Variants in SNUPN observed in about 807,000 individuals in gnomAD.
SNUPN encodes snurportin 1.
SNUPN carries 31 observed loss-of-function variants against 39.2 expected under a neutral mutation model. The observed-to-expected ratio is 0.79, with a 90% CI of 0.59 to 1.07. The LOEUF (loss-of-function observed/expected upper bound fraction) is 1.07. Ranked by LOEUF, SNUPN falls within the 50% of genes least tolerant of loss-of-function variation. SNUPN has a pLI of 0.00. For missense variants in SNUPN, 382 were observed against 434.2 expected, an observed-to-expected ratio of 0.88 and a Z score of 1.07; for synonymous variants, 132 against 159.0, an observed-to-expected ratio of 0.83 and a Z score of 1.28.
chr15:75,620,932 C>G lies in SNUPN; in HGVS notation c.120G>C (p.Gln40His). Residue 40 changes from glutamine (Q) to histidine (H), a missense_variant, in exon 2 of 9, where the codon CAG becomes CAC. Physicochemically the swap from Gln to His is conservative, Grantham distance 24 (BLOSUM62 0). Transcript: ENST00000308588. ...CCAGTAACCTCCGGCGGCGCTCACT[C>G]TGCTCCAAGGAACTGTACTTGGACT... ...QYKSKYSSLE[Q>H]SERRRRLLEL... is the part of the protein sequence containing the mutation. 1 of 1,614,004 alleles carries G rather than the reference C, an allele frequency of 6.2e-7. No individual in the cohort carries two copies. Among genetic ancestry groups the G allele is most frequent in the Non-Finnish European group, 8.5e-7 (1 of 1,179,992 alleles).
intron 1 of SNUPN, among the ~76,000 whole-genome samples, chr15:75,621,265 T>TTC (rs1893062997): frequency 6.7e-6 from 1 of 149,692 alleles, no homozygotes; most frequent in Non-Finnish European, 1.5e-5. Flanking sequence ...ATATTTCCTT[T>TTC]TTTTTTTTTT....
chr15:75,620,973 G>T lies in SNUPN; in HGVS notation c.79C>A (p.Arg27Ser), dbSNP rs145301521. The T allele has an allele frequency of 6.2e-7, 1 of 1,613,888 alleles. No homozygotes were observed. The highest frequency in any genetic ancestry group is 1.7e-5 in the Admixed American group (1 of 59,998). The change falls in exon 2 of 9, where the codon CGC (arginine) becomes AGC (serine). Residue 27 changes from arginine to serine, a missense_variant. Physicochemically the swap from Arg to Ser is moderately radical, Grantham distance 110 (BLOSUM62 -1). Transcript: ENST00000308588. ...TACTTGGACTTGTACTGGGATAGGC[G>T]GGGGTGTGGGGCAGCTGTGCTGTTC... ...DLNSTAAPHP[R>S]LSQYKSKYSS...
At chr15:75,613,642 C>CAAAAAAAAAAAAAAAAAAA (rs58623437) in intron 3 of SNUPN, among the ~76,000 whole-genome samples, 1 of 128,560 alleles carries the variant, frequency 7.8e-6, no homozygotes, top group African/African-American at 3.0e-5. Flanking sequence ...GACTCCAACT[C>CAAAAAAAAAAAAAAAAAAA]AAAAAAAAAA....
chr15:75,609,315 G>A (rs938761601), intron 5 of SNUPN, among the ~76,000 whole-genome samples: 128 of 144,558 alleles, frequency 8.9e-4, no homozygotes, highest in Middle Eastern at 3.6e-3. Flanking sequence ...TCAGCCTCCC[G>A]AGTAGCTGGG....
rs1380016038 is a variant in SNUPN at position 75,598,658 on chromosome 15, G to A, written c.783C>T (p.His261=). Residue 261 remains histidine (H), a synonymous_variant, in exon 9 of 9, where the codon CAC becomes CAT. Transcript: ENST00000308588. The stretch of plus-strand genomic sequence containing the variant: ...TTCCGGGGCTGTAGTGGGTCTGTTT[G>A]TGGTAGAAGAGAAGTCCATCTACCT... ...PFEVDGLLFY[H]KQTHYSPGST... 1 of 1,604,668 alleles carries A rather than the reference G, an allele frequency of 6.2e-7. No homozygotes were observed. Among genetic ancestry groups the A allele is most frequent in the Non-Finnish European group, 8.5e-7 (1 of 1,172,284 alleles).
At chr15:75,613,699 G>A (rs1173676904) in intron 3 of SNUPN, among the ~76,000 whole-genome samples, 1 of 151,538 alleles carries the variant, frequency 6.6e-6, no homozygotes, top group African/African-American at 2.4e-5. Context: ...AGTCACTAGG[G>A]AAATAGGGAA....
chr15:75,598,412 C>T lies in SNUPN; in HGVS notation c.1029G>A (p.Lys343=), dbSNP rs2075258507. Residue 343 remains lysine, a synonymous_variant, in exon 9 of 9, where the codon AAG becomes AAA. Coordinates refer to ENST00000308588, the MANE Select transcript of SNUPN (RefSeq NM_005701.4). ...CTGGGCTATGGGAAGAACCCTTCAACTTGGGAGTAGACAGGTGCTCCAATT... is the reference window on the plus strand; with the variant it reads ...CTGGGCTATGGGAAGAACCCTTCAATTTGGGAGTAGACAGGTGCTCCAATT... The part of the protein sequence containing the change: ...HYELEHLSTP[K]LKGSSHSPDH... The T allele has an allele frequency of 3.1e-6, 5 of 1,614,114 alleles. No individual in the cohort carries two copies. Among genetic ancestry groups the T allele is most frequent in the African/African-American group, 2.7e-5 (2 of 74,936 alleles).
chr15:75,604,484 A>G, intron 7 of SNUPN, among the ~76,000 whole-genome samples: 1 of 152,146 alleles, frequency 6.6e-6, no homozygotes, highest in Admixed American at 6.5e-5. Flanking sequence ...ATTTTTTGTG[A>G]GCAATCCAAG....
intron 1 of SNUPN, chr15:75,622,433 C>T: frequency 1.0e-6 from 1 of 985,288 alleles, no homozygotes; most frequent in Middle Eastern, 5.2e-4. Context: ...ATTAGGGAAA[C>T]AAGACAGGCA....
rs1595979658 is a variant in SNUPN at position 75,598,238 on chromosome 15, TGGAC to T, written c.*116_*119del. On this transcript the variant is annotated 3_prime_UTR_variant, in exon 9 of 9. Coordinates refer to ENST00000308588, the MANE Select transcript of SNUPN (RefSeq NM_005701.4). ...AGATTATAGATAAGCTGTTTCCAGC[TGGAC>T]TGGGTTTGGAAAGTTCACTCTAAAG... 1.1e-5 allele frequency: 8 copies of T among 738,298 alleles called. No individual in the cohort carries two copies. The East Asian group carries it at 2.1e-4, about 20-fold the overall frequency. 45.7% of individuals were successfully genotyped at this position (738,298 alleles called of 1,614,324 possible).
chr15:75,606,737 T>A (rs1415676816), intron 6 of SNUPN, among the ~76,000 whole-genome samples: 2 of 152,164 alleles, frequency 1.3e-5, no homozygotes, highest in Non-Finnish European at 2.9e-5. Flanking sequence ...TTCTGGGTCA[T>A]ACCAAGGAGG....
At chr15:75,609,770 G>A in intron 4 of SNUPN, 119 bp from the exon 5 acceptor site, 1 of 1,140,034 alleles carries the variant, frequency 8.8e-7, no homozygotes, top group Non-Finnish European at 1.3e-6. Context: ...CTTCCTGCAG[G>A]AAAGTGTTTC....
chr15:75,598,356 C>A lies in SNUPN; in HGVS notation c.*2G>T. On this transcript the variant is annotated 3_prime_UTR_variant, in exon 9 of 9. Transcript: ENST00000308588. ...TGTGGCTCCTTAAGGAGGCTTCTCT[C>A]TTTAATTCTCCATGAGGCATCCAGG... The A allele has an allele frequency of 6.2e-7, 1 of 1,611,228 alleles. No individual in the cohort carries two copies. Among genetic ancestry groups the A allele is most frequent in the South Asian group, 1.1e-5 (1 of 90,854 alleles).
rs141340187 is a variant in SNUPN, at chr15:75,623,868, T to C, written c.-6+1798A>G. Among the ~76,000 whole-genome samples the C allele has an allele frequency of 7.5e-3, 1,139 of 152,164 alleles. 12 individuals are homozygous for C. The highest frequency in any genetic ancestry group is 0.026 in the African/African-American group (1,089 of 41,514). On this transcript the variant is annotated intron_variant, in intron 1 of 8. Coordinates refer to ENST00000308588, the MANE Select transcript of SNUPN (RefSeq NM_005701.4). ...TTCAAATCATCCATAATGGTATGTATGCTATTGTCTCTACTTTTCTGTACT... is the reference window on the plus strand; with the variant it reads ...TTCAAATCATCCATAATGGTATGTACGCTATTGTCTCTACTTTTCTGTACT...
chr15:75,612,897 A>G (rs1241622873), intron 3 of SNUPN, among the ~76,000 whole-genome samples: 1 of 152,190 alleles, frequency 6.6e-6, no homozygotes. Flanking sequence ...CAAGAAGACA[A>G]AAAGACAACC....
At chr15:75,607,085 A>G in intron 6 of SNUPN, 131 bp downstream of exon 6, 1 of 718,046 alleles carries the variant, frequency 1.4e-6, no homozygotes. Flanking sequence ...GGAGCATTAG[A>G]TAATGTTCTT....
intron 6 of SNUPN, among the ~76,000 whole-genome samples, chr15:75,606,202 A>T (rs560378561): frequency 2.6e-5 from 4 of 152,336 alleles, no homozygotes; most frequent in African/African-American, 9.6e-5. Context: ...GTTGTAAGGG[A>T]TTTAATGAGC....
chr15:75,604,092 A>G (rs2075312434), intron 7 of SNUPN, among the ~76,000 whole-genome samples: 1 of 152,070 alleles, frequency 6.6e-6, no homozygotes, highest in Admixed American at 6.6e-5. Flanking sequence ...CCTACATGAT[A>G]ATAACATCAC....
intron 8 of SNUPN, 146 bp downstream of exon 8, chr15:75,600,992 C>A: frequency 1.5e-6 from 1 of 660,258 alleles, no homozygotes; most frequent in South Asian, 1.6e-5. Context: ...TGAAGGGCAG[C>A]AAGTACATCC....
Sources: gnomAD v4.1 joint callset for allele counts (sites outside exome capture counted in the v4.1 genomes callset) on GRCh38, gnomAD v4.1.1 for gene constraint, MANE v1.5 for transcripts, NCBI Gene and HGNC (gene_info 2026-07-23, HGNC 2026-07-21) for gene names.